UST: variants seen among roughly 807,000 people sequenced by gnomAD.
The protein encoded by UST is chondroitin sulfate 2-O-sulfotransferase.
UST carries 21 observed loss-of-function variants against 45.6 expected under a neutral mutation model. That is an observed-to-expected ratio of 0.46 (90% CI 0.33 to 0.66). The LOEUF (loss-of-function observed/expected upper bound fraction) is 0.66. Among genes scored for constraint, UST ranks in the 30% least tolerant of loss-of-function variants. The probability of loss-of-function intolerance (pLI) is 0.02; values close to 1 mark genes in which losing one functional copy is unlikely to be tolerated. For missense variants in UST, 463 were observed against 512.4 expected (o/e 0.90, Z 0.93); for synonymous variants, 215 against 200.6 (o/e 1.07, Z -0.61).
intron 1 of UST, among the ~76,000 whole-genome samples, chr6:148,861,300 A>G (rs1356074883): frequency 6.6e-6 from 1 of 152,132 alleles, no homozygotes; most frequent in Non-Finnish European, 1.5e-5. Context: ...TGTTTATAGT[A>G]TTCTCTGATG....
chr6:148,813,385 A>ATT (rs61560066), intron 1 of UST, among the ~76,000 whole-genome samples: 1,791 of 146,948 alleles, frequency 0.012, 24 homozygotes, highest in Middle Eastern at 0.021. Flanking sequence ...TAACAGAATA[A>ATT]TTTTTTTTTT....
At chr6:148,904,287 A>G (rs1244917816) in intron 2 of UST, among the ~76,000 whole-genome samples, 1 of 152,230 alleles carries the variant, frequency 6.6e-6, no homozygotes, top group Non-Finnish European at 1.5e-5. Flanking sequence ...ATGACAGTAC[A>G]GGCCAAAACT....
chr6:148,823,719 G>C (rs961418502), intron 1 of UST, among the ~76,000 whole-genome samples: 1 of 152,122 alleles, frequency 6.6e-6, no homozygotes, highest in Non-Finnish European at 1.5e-5. Context: ...CGTGTCTAGG[G>C]TATCAGTTAA....
At chr6:148,767,019 C>G (rs1776337519) in intron 1 of UST, among the ~76,000 whole-genome samples, 1 of 152,182 alleles carries the variant, frequency 6.6e-6, no homozygotes, top group Non-Finnish European at 1.5e-5. Flanking sequence ...ATTTGTTAAG[C>G]TATAGATCCT....
chr6:148,971,453 C>T (rs898681755), intron 5 of UST, among the ~76,000 whole-genome samples: 4 of 152,248 alleles, frequency 2.6e-5, no homozygotes, highest in East Asian at 3.9e-4. Context: ...ATAGTGGCTG[C>T]ATCACATCCT....
intron 1 of UST, among the ~76,000 whole-genome samples, chr6:148,848,646 G>GA (rs1778043220): frequency 6.6e-6 from 1 of 150,588 alleles, no homozygotes; most frequent in African/African-American, 2.4e-5. Flanking sequence ...ACTCCAGCCT[G>GA]GTGACAGAGT....
chr6:148,755,249 C>T (rs1776072763), intron 1 of UST, among the ~76,000 whole-genome samples: 1 of 152,084 alleles, frequency 6.6e-6, no homozygotes, highest in Non-Finnish European at 1.5e-5. Flanking sequence ...ATTTTGTATT[C>T]ATGTTGTGGT....
chr6:148,943,568 C>T (rs1028355509), intron 3 of UST, among the ~76,000 whole-genome samples: 1 of 152,190 alleles, frequency 6.6e-6, no homozygotes, highest in Non-Finnish European at 1.5e-5. Flanking sequence ...AAGACAAAGT[C>T]TTCCTTCTCT....
At chr6:149,064,874 C>G (rs1213661557) in intron 7 of UST, among the ~76,000 whole-genome samples, 8 of 144,420 alleles carry the variant, frequency 5.5e-5, no homozygotes, top group Non-Finnish European at 1.2e-4. Flanking sequence ...CCAAGCCTTA[C>G]AACAACTGAA....
At chr6:149,065,820 G>A (rs10872630) in intron 7 of UST, among the ~76,000 whole-genome samples, 36,259 of 152,074 alleles carry the variant, frequency 0.24, 4,452 homozygotes, top group Admixed American at 0.27. Flanking sequence ...TTCTGACCGC[G>A]ACATAACCCT....
At chr6:148,897,057 A>G (rs965562435) in intron 2 of UST, among the ~76,000 whole-genome samples, 1 of 152,192 alleles carries the variant, frequency 6.6e-6, no homozygotes, top group African/African-American at 2.4e-5. Flanking sequence ...TCCTTGATGT[A>G]GATTCTGGTA....
chr6:148,750,682 A>T (rs867313157), intron 1 of UST, among the ~76,000 whole-genome samples: 1 of 152,114 alleles, frequency 6.6e-6, no homozygotes. Flanking sequence ...CCATAATTCC[A>T]CTTTCCTTTT....
intron 7 of UST, among the ~76,000 whole-genome samples, chr6:149,049,277 C>A (rs574747325): frequency 2.0e-5 from 3 of 152,192 alleles, no homozygotes; most frequent in African/African-American, 7.2e-5. Context: ...AGAAGAATAG[C>A]TAAATACATT....
intron 7 of UST, among the ~76,000 whole-genome samples, chr6:149,054,057 C>T (rs1236674432): frequency 6.6e-6 from 1 of 152,164 alleles, no homozygotes; most frequent in South Asian, 2.1e-4. Flanking sequence ...CCTATTCTCA[C>T]CCCATCCCCC....
At chr6:148,902,951 C>T (rs991520283) in intron 2 of UST, among the ~76,000 whole-genome samples, 1 of 152,022 alleles carries the variant, frequency 6.6e-6, no homozygotes, top group African/African-American at 2.4e-5. Flanking sequence ...TGGTTCCATA[C>T]GGGGTCTTTA....
chr6:148,976,080 TA>T (rs746080887), intron 5 of UST, among the ~76,000 whole-genome samples: 4 of 152,012 alleles, frequency 2.6e-5, no homozygotes, highest in South Asian at 4.2e-4. Context: ...TATAAATCAG[TA>T]AAAAAAAGAC....
intron 7 of UST, among the ~76,000 whole-genome samples, chr6:149,038,819 A>G (rs1248243706): frequency 6.6e-6 from 1 of 151,708 alleles, no homozygotes; most frequent in Non-Finnish European, 1.5e-5. Flanking sequence ...AATTGGGGGG[A>G]AAAAGATGTC....
chr6:148,944,290 C>T (rs970473633), intron 3 of UST, among the ~76,000 whole-genome samples: 1 of 152,110 alleles, frequency 6.6e-6, no homozygotes, highest in Non-Finnish European at 1.5e-5. Context: ...TAAACAGGCT[C>T]TTGTGGGCTG....
intron 1 of UST, among the ~76,000 whole-genome samples, chr6:148,878,114 T>C (rs1422293092): frequency 1.5e-5 from 1 of 66,656 alleles, no homozygotes; most frequent in East Asian, 4.9e-4. Context: ...GAGGAGATCA[T>C]GTACGAGTGT....
Sources: allele counts gnomAD v4.1 joint callset (sites outside exome capture counted in the v4.1 genomes callset), GRCh38; gene constraint gnomAD v4.1.1; transcripts MANE v1.5; gene names NCBI Gene and HGNC (gene_info 2026-07-23, HGNC 2026-07-21).